The following EP400 variants were observed in gnomAD, a reference collection of about 807,000 sequenced individuals.
The protein encoded by EP400 is E1A binding protein p400.
In EP400, 105 loss-of-function variants were observed where a neutral mutation model predicts 354.1. The ratio of observed to expected loss-of-function variants is 0.30; its 90% CI spans 0.25 to 0.35. The LOEUF is 0.35. Ranked by LOEUF, EP400 falls within the 10% of genes least tolerant of loss-of-function variation. The probability of loss-of-function intolerance (pLI) is 1.00; values close to 1 mark genes in which losing one functional copy is unlikely to be tolerated. For synonymous variants in EP400, 1,646 were observed against 1,716.9 expected, an observed-to-expected ratio of 0.96 and a Z score of 1.02; for missense variants, 3,280 against 4,121.0, an observed-to-expected ratio of 0.80 and a Z score of 5.59.
At chr12:131,976,547 A>G (rs1566168677) in intron 2 of EP400, among the ~76,000 whole-genome samples, 1 of 152,094 alleles carries the variant, frequency 6.6e-6, no homozygotes, top group African/African-American at 2.4e-5. Flanking sequence ...CCCTGTCTCT[A>G]CTAAAAATAC....
chr12:131,991,386 C>CTG, intron 9 of EP400, 21 bp from the exon 10 acceptor site: 1 of 1,613,722 alleles, frequency 6.2e-7, no homozygotes, highest in Non-Finnish European at 8.5e-7. Flanking sequence ...TGGGAACGAA[C>CTG]TGTGCTCCTT....
chr12:131,974,639 T>C (rs1206745068), intron 2 of EP400, among the ~76,000 whole-genome samples: 1 of 152,284 alleles, frequency 6.6e-6, no homozygotes, highest in East Asian at 1.9e-4. Context: ...TTCAGAGTGT[T>C]TTTTCTTTGT....
intron 30 of EP400, among the ~76,000 whole-genome samples, chr12:132,036,659 T>C (rs1894728809): frequency 6.6e-6 from 1 of 152,274 alleles, no homozygotes; most frequent in Admixed American, 6.5e-5. Flanking sequence ...ATCCCCACTT[T>C]TTTTAGTGGT....
rs200663976 is a variant in EP400 at position 131,981,563 on chromosome 12, G to A, written c.1510G>A (p.Val504Ile). ...CCAGCACCCAGGGGCGGACGCAGGC[G>A]TTCCTCTCCAGCAACTAATGCCGAC... is the stretch of plus-strand genomic sequence containing the variant. The part of the protein sequence containing the change: ...VFQHPGADAG[V>I]PLQQLMPTAQ... The change falls in exon 4 of 53, where the codon GTT becomes ATT. Residue 504 changes from valine to isoleucine, a missense_variant. Val to Ile is a conservative substitution (Grantham distance 29). Around this residue, in one of 20 missense-constraint regions of EP400, gnomAD observed 800 missense variants for 840.0 expected, o/e 0.95. Coordinates refer to ENST00000389561, the MANE Select transcript of EP400 (RefSeq NM_015409.5). 254 of 1,601,714 alleles carry A rather than the reference G, an allele frequency of 1.6e-4. 1 individual carries two copies. Among genetic ancestry groups the A allele is most frequent in the South Asian group, 7.9e-4 (70 of 88,388 alleles).
At chr12:131,993,641 T>C (rs1317455635) in intron 11 of EP400, among the ~76,000 whole-genome samples, 1 of 152,264 alleles carries the variant, frequency 6.6e-6, no homozygotes, top group African/African-American at 2.4e-5. Flanking sequence ...TTTGTTGTTA[T>C]GTGAACGTAC....
chr12:131,953,528 C>A (rs753914605), intron 1 of EP400, among the ~76,000 whole-genome samples: 1 of 152,198 alleles, frequency 6.6e-6, no homozygotes, highest in Admixed American at 6.5e-5. Context: ...CATTACAGCA[C>A]CCTGACAGGT....
chr12:132,064,121 C>T (rs1442293359), intron 47 of EP400, among the ~76,000 whole-genome samples: 1 of 151,788 alleles, frequency 6.6e-6, no homozygotes, highest in Non-Finnish European at 1.5e-5. Flanking sequence ...TGCCTTGTCA[C>T]CTGCCCCGGT....
chr12:132,061,517 T>C (rs1476748843), intron 45 of EP400, among the ~76,000 whole-genome samples: 2 of 152,218 alleles, frequency 1.3e-5, no homozygotes, highest in Non-Finnish European at 2.9e-5. Context: ...TGCGTTTGCC[T>C]TCCAGTTTAT....
intron 2 of EP400, among the ~76,000 whole-genome samples, chr12:131,974,358 C>T (rs1045358452): frequency 1.3e-5 from 2 of 152,148 alleles, no homozygotes; most frequent in African/African-American, 4.8e-5. Context: ...TCAAGCAGTC[C>T]TCCCGCCTCG....
Position 132,018,512 on chromosome 12 carries a change from T to C in EP400, c.4277+136T>C. On this transcript the variant is annotated intron_variant, in intron 21 of 52. Coordinates refer to ENST00000389561, the MANE Select transcript of EP400 (RefSeq NM_015409.5). The surrounding 1 kb of genome is among the most constrained non-coding windows in gnomAD (Gnocchi z 4.0). ...TGCTCTTGGGACCTTGCTGGTGTCC[T>C]TGGCTGTGGTATGCCTGGCTCTGCA... The C allele has an allele frequency of 7.9e-7, 1 of 1,269,224 alleles. No individual in the cohort carries two copies. The highest frequency in any genetic ancestry group is 1.1e-6 in the Non-Finnish European group (1 of 941,058). The allele number at this position is 1,269,224 out of a possible 1,614,324, so 78.6% of individuals were successfully genotyped here.
chr12:132,071,410 C>T (rs1896064406), intron 51 of EP400, among the ~76,000 whole-genome samples: 2 of 152,160 alleles, frequency 1.3e-5, no homozygotes, highest in Admixed American at 6.5e-5. Flanking sequence ...GTACGCCTGA[C>T]CTGCTCCTAC....
rs1375599436 is a variant in EP400 at position 132,077,754 on chromosome 12, A to G, written c.*81A>G. 5 of 1,436,686 alleles carry G rather than the reference A, an allele frequency of 3.5e-6. No individual in the cohort carries two copies. The East Asian group carries it at 9.6e-5, about 28-fold the overall frequency. 89.0% of individuals were successfully genotyped at this position (1,436,686 alleles called of 1,614,324 possible). ...CGCTTTATTAGTGAACCTTGGGACC[A>G]TGTCACGCAAGAGATTCAGCACTGG... On this transcript the variant is annotated 3_prime_UTR_variant, in exon 53 of 53. Transcript: ENST00000389561.
intron 2 of EP400, among the ~76,000 whole-genome samples, chr12:131,964,535 G>A (rs1456088950): frequency 6.6e-6 from 1 of 152,184 alleles, no homozygotes; most frequent in Non-Finnish European, 1.5e-5. Context: ...GGAATAGATA[G>A]TGTTGGGTTG....
chr12:132,036,555 G>T (rs1447107577), intron 30 of EP400, among the ~76,000 whole-genome samples: 1 of 152,262 alleles, frequency 6.6e-6, no homozygotes, highest in African/African-American at 2.4e-5. Context: ...AAGCAGCCAT[G>T]AAATATGCCA....
intron 2 of EP400, among the ~76,000 whole-genome samples, chr12:131,978,894 A>G (rs946820823): frequency 1.3e-5 from 2 of 152,166 alleles, no homozygotes; most frequent in Non-Finnish European, 2.9e-5. Context: ...TATCTCATGT[A>G]GGGTGCTAAC....
Position 132,031,995 on chromosome 12 carries a change from G to T in EP400, c.5797G>T (p.Ala1933Ser), listed in dbSNP as rs138759431. ...SFNRDRRIFC[A>S]ILSTHSRTTG... is the part of the protein sequence containing the mutation. ...CAACAGAGACAGGCGGATTTTTTGT[G>T]CCATTCTCTCCACTCACAGCCGTAC... The change falls in exon 30 of 53, where the codon GCC (alanine) becomes TCC (serine). Residue 1933 changes from alanine to serine, a missense_variant. By Grantham distance (99) the Ala-to-Ser change is moderately conservative. This residue lies in a region of EP400 where 459 missense variants were observed against 496.9 expected (regional missense o/e 0.92). Transcript: ENST00000389561. The T allele has an allele frequency of 6.2e-7, 1 of 1,613,282 alleles. No individual in the cohort carries two copies. The highest frequency in any genetic ancestry group is 8.5e-7 in the Non-Finnish European group (1 of 1,179,518).
chr12:132,003,267 A>G (rs1333202875), intron 12 of EP400, among the ~76,000 whole-genome samples: 1 of 152,100 alleles, frequency 6.6e-6, no homozygotes, highest in Non-Finnish European at 1.5e-5. Context: ...ACAATTACAA[A>G]AAAGATACCA....
chr12:132,050,936 T>A lies in EP400; in HGVS notation c.7394+281T>A, dbSNP rs576932505. ...ATGTGATGAGTGTGCCAGGGCCATG[T>A]GGCCAACCACAAGGGGCTTTCTTCC... On this transcript the variant is annotated intron_variant, in intron 41 of 52. Coordinates refer to ENST00000389561, the MANE Select transcript of EP400 (RefSeq NM_015409.5). This position sits in a 1 kb window ranked among gnomAD's most constrained non-coding sequence, Gnocchi z 4.8. 1.1e-5 allele frequency: 6 copies of A among 535,308 alleles called. No homozygotes were observed. In the African/African-American group the frequency reaches 1.1e-4, roughly 10 times the overall value. 33.2% of individuals were successfully genotyped at this position (535,308 alleles called of 1,614,324 possible).
At chr12:131,999,744 C>T (rs1200318881) in intron 12 of EP400, among the ~76,000 whole-genome samples, 1 of 152,116 alleles carries the variant, frequency 6.6e-6, no homozygotes, top group African/African-American at 2.4e-5. Flanking sequence ...GGCCCTCATA[C>T]ATTAAATTGA....
Sources: allele counts gnomAD v4.1 joint callset (sites outside exome capture counted in the v4.1 genomes callset), GRCh38; gene constraint gnomAD v4.1.1; regional missense constraint gnomAD v4.1.1; non-coding constraint Gnocchi (gnomAD v3.1); transcripts MANE v1.5; gene names NCBI Gene and HGNC (gene_info 2026-07-23, HGNC 2026-07-21).